Variants in POM121 observed in about 807,000 individuals in gnomAD.
POM121 encodes nuclear envelope pore membrane protein POM 121.
POM121 carries 32 observed loss-of-function variants against 81.3 expected under a neutral mutation model. The ratio of observed to expected loss-of-function variants is 0.39; its 90% CI spans 0.30 to 0.53. The LOEUF is 0.53. Ranked by LOEUF, POM121 falls within the 20% of genes least tolerant of loss-of-function variation. The pLI is 0.66. For synonymous variants in POM121, 514 were observed against 694.2 expected (o/e 0.74, Z 4.08); for missense variants, 1,138 against 1,614.6 (o/e 0.70, Z 5.06).
chr7:72,880,651 G>A (rs1449591239), intron 1 of POM121, among the ~76,000 whole-genome samples: 1 of 151,886 alleles, frequency 6.6e-6, no homozygotes, highest in Non-Finnish European at 1.5e-5. Context: ...CACTTTGCGG[G>A]GCTAGGGCAA....
At chr7:72,927,362 T>A (rs1795561926) in intron 3 of POM121, among the ~76,000 whole-genome samples, 1 of 152,108 alleles carries the variant, frequency 6.6e-6, no homozygotes, top group Non-Finnish European at 1.5e-5. Flanking sequence ...AGGAAATGCT[T>A]GTGAAAGAAA....
At chr7:72,916,503 C>G (rs1375751165) in intron 4 of POM121, among the ~76,000 whole-genome samples, 1 of 152,174 alleles carries the variant, frequency 6.6e-6, no homozygotes, top group Non-Finnish European at 1.5e-5. Flanking sequence ...TCTGAGGTCT[C>G]TATTCTGTTC....
intron 4 of POM121, among the ~76,000 whole-genome samples, chr7:72,918,411 G>T (rs1300075358): frequency 5.9e-5 from 9 of 152,128 alleles, no homozygotes; most frequent in African/African-American, 2.2e-4. Flanking sequence ...ATAACAGAAG[G>T]CTCACACTCT....
At chr7:72,906,289 G>A (rs1159185023) in intron 3 of POM121, among the ~76,000 whole-genome samples, 1 of 152,182 alleles carries the variant, frequency 6.6e-6, no homozygotes, top group Non-Finnish European at 1.5e-5. Flanking sequence ...CATCCGGGCT[G>A]GTCCTCAGAG....
chr7:72,912,734 G>A (rs553576737), intron 3 of POM121, among the ~76,000 whole-genome samples: 204 of 152,228 alleles, frequency 1.3e-3, no homozygotes, highest in Admixed American at 1.9e-3. Flanking sequence ...AGCCGAGATC[G>A]CGCCACTGTA....
chr7:72,902,167 A>G (rs1349317920), intron 3 of POM121, among the ~76,000 whole-genome samples: 1 of 151,530 alleles, frequency 6.6e-6, no homozygotes, highest in East Asian at 1.9e-4. Context: ...ACCTGTCTTC[A>G]TGTGTTCAGT....
Position 72,926,304 on chromosome 7 carries a change from A to G in POM121, c.687A>G (p.Arg229=). ...CAAATCGGTTTGTAATAACACCTAGAAGACGCTATCCGATCCATCAGGCCC... is the reference window on the plus strand; with the variant it reads ...CAAATCGGTTTGTAATAACACCTAGGAGACGCTATCCGATCCATCAGGCCC... The part of the protein sequence containing the change: ...TLPNRFVITP[R]RRYPIHQAQY... Residue 229 remains arginine, a synonymous_variant, in exon 2 of 13, where the codon AGA becomes AGG. Transcript: ENST00000434423. 6.3e-7 allele frequency: 1 copy of G among 1,590,452 alleles called. No homozygotes were observed. Among genetic ancestry groups the G allele is most frequent in the Non-Finnish European group, 8.6e-7 (1 of 1,167,788 alleles).
intron 1 of POM121, among the ~76,000 whole-genome samples, chr7:72,880,392 C>A (rs1184097362): frequency 2.6e-5 from 4 of 152,134 alleles, no homozygotes; most frequent in African/African-American, 9.7e-5. Context: ...CATAGTAGAA[C>A]CCAGGAGACT....
Position 72,912,964 on chromosome 7 carries a change from T to G in POM121, c.-215-801T>G, listed in dbSNP as rs112651706. 5.9e-3 allele frequency among the ~76,000 whole-genome samples: 901 copies of G among 152,280 alleles called. 7 individuals are homozygous for G. The highest frequency in any genetic ancestry group is 0.021 in the African/African-American group (861 of 41,554). On this transcript the variant is annotated intron_variant, in intron 3 of 15. Transcript: ENST00000395270. The stretch of plus-strand genomic sequence containing the variant: ...GCACATGACGCAGACTCTCCCTGAT[T>G]TACAAGGCTCTTCATCATCAGGTCC...
chr7:72,907,330 A>G (rs1158919051), intron 3 of POM121, among the ~76,000 whole-genome samples: 2 of 152,228 alleles, frequency 1.3e-5, no homozygotes, highest in East Asian at 3.9e-4. Flanking sequence ...TCACCTCTAC[A>G]TATGTTGAGA....
intron 3 of POM121, among the ~76,000 whole-genome samples, chr7:72,908,694 C>T (rs1358797321): frequency 2.6e-5 from 4 of 152,140 alleles, no homozygotes; most frequent in Admixed American, 2.0e-4. Context: ...CCCCTAGGAA[C>T]GCATTCTCTT....
At position 72,926,858 on chromosome 7, in the gene POM121, C is replaced by T. The variant is rs1554497618; in HGVS notation, c.917C>T (p.Pro306Leu). 1 of 1,613,962 alleles carries T rather than the reference C, an allele frequency of 6.2e-7. No homozygotes were observed. The highest frequency in any genetic ancestry group is 1.7e-5 in the Admixed American group (1 of 60,012). Residue 306 changes from proline to leucine, a missense_variant, in exon 3 of 13, where the codon CCA becomes CTA. Physicochemically the swap from Pro to Leu is moderately conservative, Grantham distance 98. This residue lies in a region of POM121 where 646 missense variants were observed against 633.5 expected (regional missense o/e 1.02). Coordinates refer to ENST00000434423, the MANE Select transcript of POM121 (RefSeq NM_001387691.1). The part of the protein sequence containing the change: ...LSSPSSNAPD[P>L]CAKETVLSAL... ...TCACCATCAAGTAACGCCCCAGACCCATGTGCAAAGGAGACAGTACTGAGT... is the reference window on the plus strand; with the variant it reads ...TCACCATCAAGTAACGCCCCAGACCTATGTGCAAAGGAGACAGTACTGAGT...
In POM121 at chr7:72,926,363, G is replaced by A. The variant is rs371117777; in HGVS notation, c.746G>A (p.Cys249Tyr). The A allele has an allele frequency of 1.9e-4, 312 of 1,613,876 alleles. No individual in the cohort carries two copies. The highest frequency in any genetic ancestry group is 1.8e-3 in the African/African-American group (138 of 75,016). ...YSCLGVLPTV[C>Y]WNGYHKKAVL... ...TGTCTGGGGGTACTTCCCACCGTGT[G>A]CTGGAATGGTTATCACAAGAAGGCT... Residue 249 changes from cysteine to tyrosine, a missense_variant, in exon 2 of 13, where the codon TGC becomes TAC. Coordinates refer to ENST00000434423, the MANE Select transcript of POM121 (RefSeq NM_001387691.1).
chr7:72,879,729 G>A (rs1215742556), exon 1 of POM121: 5 of 466,546 alleles, frequency 1.1e-5, no homozygotes, highest in African/African-American at 9.9e-5. Context: ...CACCCGCCTG[G>A]ATTTGCCCCG....
At chr7:72,920,281 T>C (rs1481375696), upstream of POM121, among the ~76,000 whole-genome samples, 1 of 152,032 alleles carries the variant, frequency 6.6e-6, no homozygotes, top group Non-Finnish European at 1.5e-5. Flanking sequence ...TGCTTATTTA[T>C]ATGCCTAGTA....
chr7:72,923,589 A>ATT (rs1187827150), upstream of POM121, among the ~76,000 whole-genome samples: 714 of 88,766 alleles, frequency 8.0e-3, 79 homozygotes, highest in African/African-American at 0.019. Context: ...CGCCCGGCTA[A>ATT]TTTTTTTTTT....
chr7:72,926,161 A>C (rs1795424226), intron 1 of POM121, 101 bp from the exon 2 acceptor site: 2 of 1,239,880 alleles, frequency 1.6e-6, no homozygotes, highest in East Asian at 2.5e-5. Context: ...AAAGAGACTT[A>C]AGTTCTTTGG....
chr7:72,882,608 G>A lies in POM121; in HGVS notation c.-521+2723G>A, dbSNP rs1446122435. On this transcript the variant is annotated intron_variant, in intron 1 of 15. Coordinates refer to the POM121 transcript ENST00000395270. ...ACTTGGTGCATATAATTTTTCCAGG[G>A]ACGGAAATATCGTGATCCAAGTAAA... is the stretch of plus-strand genomic sequence containing the variant. Among the ~76,000 whole-genome samples the A allele has an allele frequency of 1.3e-3, 196 of 152,224 alleles. 1 individual carries two copies. The highest frequency in any genetic ancestry group is 1.3e-3 in the Non-Finnish European group (90 of 68,010).
chr7:72,893,311 C>G (rs372744008), intron 3 of POM121, among the ~76,000 whole-genome samples: 4 of 151,462 alleles, frequency 2.6e-5, no homozygotes, highest in Non-Finnish European at 5.9e-5. Context: ...TGGCCAGGCA[C>G]GGTGGCTCAT....
Sources: gnomAD v4.1 joint callset for allele counts (sites outside exome capture counted in the v4.1 genomes callset) on GRCh38, gnomAD v4.1.1 for gene constraint, gnomAD v4.1.1 regional missense constraint, MANE v1.5 for transcripts, NCBI Gene and HGNC (gene_info 2026-07-23, HGNC 2026-07-21) for gene names.